Variants in CACNA2D1 observed in about 807,000 individuals in gnomAD.
CACNA2D1 encodes voltage-dependent calcium channel subunit alpha-2/delta-1.
Under a neutral mutation model 171.5 loss-of-function variants are expected in CACNA2D1, and 53 were observed. The ratio of observed to expected loss-of-function variants is 0.31; its 90% CI spans 0.25 to 0.39. The LOEUF is 0.39. Among genes scored for constraint, CACNA2D1 ranks in the 10% least tolerant of loss-of-function variants. CACNA2D1 has a pLI of 1.00. For missense variants in CACNA2D1, 903 were observed against 1,299.8 expected (o/e 0.69, Z 4.69); for synonymous variants, 442 against 443.1 (o/e 1.00, Z 0.03).
Position 82,084,835 on chromosome 7 carries a change from C to T in CACNA2D1, c.592G>A (p.Glu198Lys), listed in dbSNP as rs370389203. The change falls in exon 7 of 39, where the codon GAG becomes AAG. Residue 198 changes from glutamate (E) to lysine (K), a missense_variant. Physicochemically the swap from Glu to Lys is moderately conservative, Grantham distance 56. Coordinates refer to ENST00000356860, the MANE Select transcript of CACNA2D1 (RefSeq NM_000722.4). ...ALDEVFKKNR[E>K]EDPSLLWQVF... is the part of the protein sequence containing the mutation. ...TGCCACAATAATGAAGGGTCTTCCT[C>T]GCGATTCTTTTTGAAAACTTCATCT... is the stretch of plus-strand genomic sequence containing the variant. The T allele has an allele frequency of 1.0e-4, 167 of 1,613,770 alleles. 2 individuals are homozygous for T. In the South Asian group the frequency reaches 1.2e-3, roughly 12 times the overall value.
At chr7:81,989,888 G>A (rs1019277360) in intron 21 of CACNA2D1, among the ~76,000 whole-genome samples, 1 of 152,296 alleles carries the variant, frequency 6.6e-6, no homozygotes, top group African/African-American at 2.4e-5. Flanking sequence ...AAAGGGAGAA[G>A]GGATTGATGG....
intron 3 of CACNA2D1, among the ~76,000 whole-genome samples, chr7:82,217,970 T>C (rs558871769): frequency 6.6e-6 from 1 of 151,402 alleles, no homozygotes; most frequent in African/African-American, 2.4e-5. Context: ...AGTCTCGCCC[T>C]GTCGCTCAGG....
At chr7:82,215,249 T>G (rs1800979290) in intron 3 of CACNA2D1, among the ~76,000 whole-genome samples, 1 of 152,192 alleles carries the variant, frequency 6.6e-6, no homozygotes, top group Non-Finnish European at 1.5e-5. Flanking sequence ...TATTGGTTCA[T>G]TTCTTCCCTG....
intron 3 of CACNA2D1, among the ~76,000 whole-genome samples, chr7:82,286,819 C>G (rs1048372702): frequency 1.3e-5 from 2 of 151,808 alleles, no homozygotes; most frequent in Non-Finnish European, 2.9e-5. Flanking sequence ...TTACTTTGTC[C>G]CCATGCCTAT....
intron 11 of CACNA2D1, among the ~76,000 whole-genome samples, chr7:82,037,222 T>C (rs1174699426): frequency 6.6e-6 from 1 of 152,244 alleles, no homozygotes; most frequent in African/African-American, 2.4e-5. Context: ...CTCATGCCTG[T>C]AATCCCAGCA....
At chr7:82,175,866 T>C (rs991947146) in intron 3 of CACNA2D1, among the ~76,000 whole-genome samples, 7 of 151,964 alleles carry the variant, frequency 4.6e-5, no homozygotes, top group Admixed American at 1.3e-4. Context: ...CATGAACCCG[T>C]AGAATAGGCT....
chr7:82,199,592 AG>A (rs1213123120), intron 3 of CACNA2D1, among the ~76,000 whole-genome samples: 9 of 152,226 alleles, frequency 5.9e-5, no homozygotes, highest in African/African-American at 2.2e-4. Context: ...ATTAGCAGAG[AG>A]AAATTAGAAA....
chr7:82,050,871 T>C (rs1805116878), intron 10 of CACNA2D1: 1 of 445,770 alleles, frequency 2.2e-6, no homozygotes. Flanking sequence ...ATAAGGAAAC[T>C]GACAGAAGCC....
intron 10 of CACNA2D1, among the ~76,000 whole-genome samples, chr7:82,059,488 T>C (rs1806339553): frequency 6.6e-6 from 1 of 151,348 alleles, no homozygotes; most frequent in African/African-American, 2.5e-5. Context: ...TGATAATGAA[T>C]AGAAAATGCC....
chr7:82,319,792 T>G (rs924524163), intron 3 of CACNA2D1, among the ~76,000 whole-genome samples: 1 of 152,186 alleles, frequency 6.6e-6, no homozygotes, highest in African/African-American at 2.4e-5. Context: ...GTAGCTGTAA[T>G]TGGGGAGTAA....
intron 6 of CACNA2D1, among the ~76,000 whole-genome samples, chr7:82,103,169 A>T (rs1293524617): frequency 6.6e-6 from 1 of 152,038 alleles, no homozygotes; most frequent in Non-Finnish European, 1.5e-5. Flanking sequence ...TTAGCTGGGC[A>T]TGGTGGCAGG....
At chr7:82,073,092 A>C (rs1275929003) in intron 7 of CACNA2D1, among the ~76,000 whole-genome samples, 1 of 152,160 alleles carries the variant, frequency 6.6e-6, no homozygotes, top group African/African-American at 2.4e-5. Context: ...ACAGTCAATA[A>C]AACTTTCTAG....
At position 81,950,216 on chromosome 7, in the gene CACNA2D1, C is replaced by A; in HGVS notation, c.*176G>T. 9.2e-7 allele frequency: 1 copy of A among 1,088,126 alleles called. No individual in the cohort carries two copies. Among genetic ancestry groups the A allele is most frequent in the Non-Finnish European group, 1.3e-6 (1 of 754,602 alleles). The allele number at this position is 1,088,126 out of a possible 1,614,324, so 67.4% of individuals were successfully genotyped here. ...TCACACACGTTTAAGGATCTGACAC[C>A]CTGACATGCAGCCAGTGGGTGCCTT... On this transcript the variant is annotated 3_prime_UTR_variant, in exon 39 of 39. Transcript: ENST00000356860.
At chr7:82,427,516 G>A (rs532072726) in intron 1 of CACNA2D1, among the ~76,000 whole-genome samples, 7 of 152,258 alleles carry the variant, frequency 4.6e-5, no homozygotes, top group Non-Finnish European at 8.8e-5. Flanking sequence ...AAGCAAACAG[G>A]AACCCATGTC....
At chr7:82,289,530 T>G (rs572875944) in intron 3 of CACNA2D1, among the ~76,000 whole-genome samples, 1 of 152,332 alleles carries the variant, frequency 6.6e-6, no homozygotes, top group South Asian at 2.1e-4. Context: ...TTTAACCAAC[T>G]ACATAATTAA....
intron 6 of CACNA2D1, among the ~76,000 whole-genome samples, chr7:82,098,092 T>A (rs776785606): frequency 2.0e-5 from 3 of 152,074 alleles, no homozygotes; most frequent in Non-Finnish European, 4.4e-5. Context: ...ATTGCACAAC[T>A]GCTCTCCAGC....
At chr7:82,433,003 T>C (rs1003265796) in intron 1 of CACNA2D1, among the ~76,000 whole-genome samples, 1 of 151,994 alleles carries the variant, frequency 6.6e-6, no homozygotes, top group South Asian at 2.1e-4. Flanking sequence ...CTGACCAATA[T>C]GGTGAAGCCC....
At chr7:82,424,568 A>G (rs763411857) in intron 1 of CACNA2D1, among the ~76,000 whole-genome samples, 1 of 152,166 alleles carries the variant, frequency 6.6e-6, no homozygotes, top group Non-Finnish European at 1.5e-5. Flanking sequence ...CCAAGTATAA[A>G]CCTTAATTTG....
Position 82,038,069 on chromosome 7 carries a change from A to T in CACNA2D1, c.1038+8T>A. The T allele has an allele frequency of 6.2e-7, 1 of 1,612,478 alleles. No individual in the cohort carries two copies. Among genetic ancestry groups the T allele is most frequent in the Non-Finnish European group, 8.5e-7 (1 of 1,179,090 alleles). On this transcript the variant is annotated splice_region_variant and intron_variant, in intron 11 of 38. Transcript: ENST00000356860. ...CAACAACAACAAAAGACATAGCATGATACTTACATTAAGCAGCTGTTCAAA... is the reference window on the plus strand; with the variant it reads ...CAACAACAACAAAAGACATAGCATGTTACTTACATTAAGCAGCTGTTCAAA...
Sources: gnomAD v4.1 joint callset for allele counts (sites outside exome capture counted in the v4.1 genomes callset) on GRCh38, gnomAD v4.1.1 for gene constraint, MANE v1.5 for transcripts, NCBI Gene and HGNC (gene_info 2026-07-23, HGNC 2026-07-21) for gene names.